Variants in USH2A observed in about 807,000 individuals in gnomAD.
USH2A encodes the protein Usher syndrome 2A (autosomal recessive, mild).
USH2A carries 443 observed loss-of-function variants against 538.9 expected under a neutral mutation model. That is an observed-to-expected ratio of 0.82 (90% CI 0.76 to 0.89). The LOEUF is 0.89. Among genes scored for constraint, USH2A ranks in the 40% least tolerant of loss-of-function variants. The pLI is 0.00. For synonymous variants in USH2A, 2,413 were observed against 2,273.5 expected (o/e 1.06, Z -1.75); for missense variants, 6,633 against 6,324.8 (o/e 1.05, Z -1.65).
In USH2A at chr1:216,357,988, A is replaced by G. The variant is rs139605543; in HGVS notation, c.784+6965T>C. 5.9e-5 allele frequency among the ~76,000 whole-genome samples: 9 copies of G among 152,304 alleles called. No homozygotes were observed. In the East Asian group the frequency reaches 1.7e-3, roughly 29 times the overall value. ...GATGGTCTAAGGTGTTTCTATTTGT[A>G]TACATAAAATTCAGCCTGATCAAAT... On this transcript the variant is annotated intron_variant, in intron 4 of 71. Coordinates refer to ENST00000307340, the MANE Select transcript of USH2A (RefSeq NM_206933.4).
chr1:215,953,289 G>A (rs1189141150), intron 37 of USH2A, among the ~76,000 whole-genome samples: 2 of 152,152 alleles, frequency 1.3e-5, no homozygotes, highest in Admixed American at 6.5e-5. Flanking sequence ...CAAAGCTGGA[G>A]GCATCACGCT....
rs144260207 is a variant in USH2A at position 215,940,305 on chromosome 1, C to T, written c.7121-5510G>A. On this transcript the variant is annotated intron_variant, in intron 37 of 71. Transcript: ENST00000307340. Reference sequence around the variant, plus strand: ...TCACTATCACGAAATTCTGCCAATACCAAAATCAGAAGACACTGAATTGTG... The same window carrying T: ...TCACTATCACGAAATTCTGCCAATATCAAAATCAGAAGACACTGAATTGTG... 1.4e-4 allele frequency among the ~76,000 whole-genome samples: 21 copies of T among 152,074 alleles called. No individual in the cohort carries two copies. In the East Asian group the frequency reaches 3.7e-3, roughly 27 times the overall value.
chr1:216,073,192 G>A lies in USH2A; in HGVS notation c.5681C>T (p.Thr1894Ile), dbSNP rs757899154. The A allele has an allele frequency of 3.1e-6, 5 of 1,613,764 alleles. No individual in the cohort carries two copies. The highest frequency in any genetic ancestry group is 4.2e-6 in the Non-Finnish European group (5 of 1,179,970). Residue 1894 changes from threonine (T) to isoleucine (I), a missense_variant, in exon 28 of 72, where the codon ACT becomes ATT. By Grantham distance (89) the Thr-to-Ile change is moderately conservative (BLOSUM62 -1). Coordinates refer to ENST00000307340, the MANE Select transcript of USH2A (RefSeq NM_206933.4). ...TCCCCTGCAGTTAACAGCACTGTCAGTTGATAGGCATCCATCCAGATTGAC... is the reference window on the plus strand; with the variant it reads ...TCCCCTGCAGTTAACAGCACTGTCAATTGATAGGCATCCATCCAGATTGAC... Reference protein sequence around the residue: ...VRVNLDGCLSTDSAVNCRGND... With the variant: ...VRVNLDGCLSIDSAVNCRGND...
chr1:215,988,574 AC>A (rs140924772), intron 35 of USH2A, among the ~76,000 whole-genome samples: 2,775 of 152,288 alleles, frequency 0.018, 81 homozygotes, highest in African/African-American at 0.064. Flanking sequence ...TATTTGAGGA[AC>A]CTCTACACTA....
chr1:216,146,253 C>A (rs2033701185), intron 21 of USH2A, among the ~76,000 whole-genome samples: 1 of 152,216 alleles, frequency 6.6e-6, no homozygotes, highest in South Asian at 2.1e-4. Context: ...CCCTCAACCG[C>A]TTTCTCCTTT....
intron 38 of USH2A, among the ~76,000 whole-genome samples, chr1:215,920,034 T>C (rs1400994600): frequency 6.6e-6 from 1 of 151,978 alleles, no homozygotes; most frequent in Non-Finnish European, 1.5e-5. Context: ...AGTTCATAAT[T>C]CATTTGATAT....
At chr1:216,017,299 C>T (rs1234671667) in intron 32 of USH2A, among the ~76,000 whole-genome samples, 1 of 152,050 alleles carries the variant, frequency 6.6e-6, no homozygotes, top group East Asian at 1.9e-4. Context: ...TACTTTGCCT[C>T]TGCACAAGGA....
chr1:216,194,403 T>G (rs1431462780), intron 19 of USH2A, among the ~76,000 whole-genome samples: 2 of 152,160 alleles, frequency 1.3e-5, no homozygotes, highest in Non-Finnish European at 2.9e-5. Context: ...TGGATCTTGC[T>G]GGTCGCCATC....
chr1:215,777,868 T>C (rs1311610167), intron 55 of USH2A, among the ~76,000 whole-genome samples: 1 of 152,206 alleles, frequency 6.6e-6, no homozygotes, highest in South Asian at 2.1e-4. Context: ...TACAAGGATG[T>C]GATGAGAGTC....
At chr1:215,857,069 T>G (rs1664190839) in intron 44 of USH2A, among the ~76,000 whole-genome samples, 1 of 150,744 alleles carries the variant, frequency 6.6e-6, no homozygotes, top group South Asian at 2.1e-4. Context: ...CTCGGGGGAG[T>G]GGGTGGAAGG....
intron 21 of USH2A, among the ~76,000 whole-genome samples, chr1:216,098,192 T>C (rs2032492362): frequency 6.6e-6 from 1 of 152,208 alleles, no homozygotes; most frequent in Non-Finnish European, 1.5e-5. Flanking sequence ...ACTCAACACA[T>C]ACTGTGGAGC....
chr1:216,058,282 A>G (rs574896849), intron 30 of USH2A, among the ~76,000 whole-genome samples: 6 of 149,050 alleles, frequency 4.0e-5, no homozygotes, highest in Non-Finnish European at 7.4e-5. Context: ...TCTCAAGTGA[A>G]ATAATGAATT....
rs749941664 is a variant in USH2A, at chr1:215,779,916, C to G, written c.10866G>C (p.Glu3622Asp). ...CTTTCCCAACCTGCCTGATCTGGTA[C>G]TCTTTAATGACGCCGTTTGATTTCT... ...VPEKSNGVIK[E>D]YQIRQVGKGL... Residue 3622 changes from glutamate (E) to aspartate (D), a missense_variant, in exon 55 of 72, where the codon GAG becomes GAC. Glu to Asp is a conservative substitution (Grantham distance 45). Coordinates refer to ENST00000307340, the MANE Select transcript of USH2A (RefSeq NM_206933.4). 6.2e-7 allele frequency: 1 copy of G among 1,614,126 alleles called. No homozygotes were observed. The highest frequency in any genetic ancestry group is 8.5e-7 in the Non-Finnish European group (1 of 1,180,024).
rs190670051 is a variant in USH2A at position 216,193,356 on chromosome 1, C to T, written c.4252-2989G>A. Among the ~76,000 whole-genome samples, 107 of 151,994 alleles carry T rather than the reference C, an allele frequency of 7.0e-4. 2 individuals are homozygous for T. Among genetic ancestry groups the T allele is most frequent in the African/African-American group, 2.3e-3 (94 of 41,480 alleles). ...TGAGATAATTGCAAATGAGTGAACA[C>T]GTAGACAGATTAATGAAAAATAAGT... On this transcript the variant is annotated intron_variant, in intron 19 of 71. Transcript: ENST00000307340.
chr1:216,091,090 C>G lies in USH2A; in HGVS notation c.4759-1951G>C, dbSNP rs79507905. On this transcript the variant is annotated intron_variant, in intron 22 of 71. Transcript: ENST00000307340. ...TGACAAACTCACTTTATACTTACAG[C>G]AATTTAGAATATCATTTTTTGAAGA... 3.0e-3 allele frequency among the ~76,000 whole-genome samples: 459 copies of G among 152,198 alleles called. 2 individuals carry two copies. The highest frequency in any genetic ancestry group is 4.5e-3 in the Non-Finnish European group (308 of 67,978).
In USH2A at chr1:215,656,354, C is replaced by A. The variant is rs371456943; in HGVS notation, c.14134-5553G>T. 2.0e-5 allele frequency among the ~76,000 whole-genome samples: 3 copies of A among 152,106 alleles called. No homozygotes were observed. In the East Asian group the frequency reaches 5.8e-4, roughly 29 times the overall value. On this transcript the variant is annotated intron_variant, in intron 64 of 71. Coordinates refer to ENST00000307340, the MANE Select transcript of USH2A (RefSeq NM_206933.4). ...TAAATTGTGAAAATATTTTATGATT[C>A]TTTTGGCCAAGGCAATGCTACAAGT...
intron 32 of USH2A, among the ~76,000 whole-genome samples, chr1:216,017,464 G>A (rs1418419224): frequency 2.0e-5 from 3 of 152,132 alleles, no homozygotes; most frequent in Non-Finnish European, 4.4e-5. Context: ...TGCAAAACTG[G>A]AGGTTTTTCT....
In USH2A at chr1:215,889,062, GTAAAA is replaced by G; in HGVS notation, c.7595-13_7595-9del. ...GAACTACAGGTCCAGGTTCTGTAAA[GTAAAA>G]TAAATCCAGAAAGTCAGACCTCTTG... On this transcript the variant is annotated splice_polypyrimidine_tract_variant and intron_variant, in intron 40 of 71. Coordinates refer to ENST00000307340, the MANE Select transcript of USH2A (RefSeq NM_206933.4). The G allele has an allele frequency of 6.2e-7, 1 of 1,613,064 alleles. No homozygotes were observed. The highest frequency in any genetic ancestry group is 2.2e-5 in the East Asian group (1 of 44,828).
intron 33 of USH2A, 61 bp downstream of exon 33, chr1:216,000,342 A>G: frequency 1.2e-6 from 2 of 1,605,756 alleles, no homozygotes; most frequent in Non-Finnish European, 1.7e-6. Context: ...TCCTCCCCTG[A>G]TTGAACTCAC....
Sources: gnomAD v4.1 joint callset for allele counts (sites outside exome capture counted in the v4.1 genomes callset) on GRCh38, gnomAD v4.1.1 for gene constraint, MANE v1.5 for transcripts, NCBI Gene and HGNC (gene_info 2026-07-23, HGNC 2026-07-21) for gene names.